FAM13A: variants seen among roughly 807,000 people sequenced by gnomAD.
FAM13A encodes protein FAM13A.
In FAM13A, 76 loss-of-function variants were observed where a neutral mutation model predicts 129.6. That is an observed-to-expected ratio of 0.59 (90% CI 0.49 to 0.71). FAM13A has a LOEUF of 0.71. Among genes scored for constraint, FAM13A ranks in the 30% least tolerant of loss-of-function variants. FAM13A has a pLI of 0.00. For synonymous variants in FAM13A, 443 were observed against 449.9 expected (o/e 0.98, Z 0.20); for missense variants, 1,108 against 1,249.3 (o/e 0.89, Z 1.70).
intron 4 of FAM13A, among the ~76,000 whole-genome samples, chr4:88,987,385 C>T (rs1242849236): frequency 2.0e-5 from 3 of 152,160 alleles, no homozygotes; most frequent in Non-Finnish European, 4.4e-5. Flanking sequence ...TAATGAATTA[C>T]TTGCTAACTG....
intron 6 of FAM13A, among the ~76,000 whole-genome samples, chr4:88,865,260 TGTAAA>T (rs778437503): frequency 7.9e-5 from 12 of 152,174 alleles, no homozygotes; most frequent in Non-Finnish European, 1.3e-4. Flanking sequence ...TAGATGGAAA[TGTAAA>T]GGAAGAACCA....
chr4:88,941,677 G>A (rs1225755173), intron 4 of FAM13A, among the ~76,000 whole-genome samples: 1 of 152,182 alleles, frequency 6.6e-6, no homozygotes, highest in East Asian at 1.9e-4. Flanking sequence ...CCCTTTAAGT[G>A]GTGGGGGGTG....
intron 7 of FAM13A, among the ~76,000 whole-genome samples, chr4:88,811,245 T>A (rs1729607737): frequency 6.6e-6 from 1 of 152,122 alleles, no homozygotes. Context: ...CAGGAGGAGC[T>A]GACAGAATAT....
chr4:89,054,953 ACTT>A (rs1772038039), intron 1 of FAM13A, among the ~76,000 whole-genome samples: 1 of 152,110 alleles, frequency 6.6e-6, no homozygotes, highest in Admixed American at 6.6e-5. Flanking sequence ...GCAGCTCCCT[ACTT>A]CTCTCTTCCC....
chr4:89,051,757 G>A (rs144958724), intron 1 of FAM13A, among the ~76,000 whole-genome samples: 1 of 152,062 alleles, frequency 6.6e-6, no homozygotes, highest in African/African-American at 2.4e-5. Context: ...ATTCAAGAAA[G>A]GGAAATAGAA....
chr4:88,886,006 A>AT (rs1455703799), intron 6 of FAM13A, among the ~76,000 whole-genome samples: 3 of 150,090 alleles, frequency 2.0e-5, no homozygotes. Flanking sequence ...GCAAAAAATA[A>AT]AAAAAAAAAA....
At chr4:88,762,083 C>T (rs2149521264) in intron 13 of FAM13A, among the ~76,000 whole-genome samples, 1 of 152,154 alleles carries the variant, frequency 6.6e-6, no homozygotes, top group African/African-American at 2.4e-5. Context: ...GATAAAGTGA[C>T]AGGAAGTGAG....
At position 88,747,822 on chromosome 4, in the gene FAM13A, G is replaced by C; in HGVS notation, c.2191C>G (p.Leu731Val). The part of the protein sequence containing the change: ...ESKLKISEED[L>V]TPRMRQRSNT... ...CTTCGCTGCCGCATCCTGGGAGTTA[G>C]GTCCTCTTCAGATATCTTTAGTTTT... is the stretch of plus-strand genomic sequence containing the variant. The change falls in exon 18 of 24, where the codon CTA becomes GTA. Residue 731 changes from leucine to valine, a missense_variant. Coordinates refer to ENST00000264344, the MANE Select transcript of FAM13A (RefSeq NM_014883.4). The C allele has an allele frequency of 1.2e-6, 2 of 1,613,720 alleles. No homozygotes were observed. Among genetic ancestry groups the C allele is most frequent in the Non-Finnish European group, 1.7e-6 (2 of 1,179,630 alleles).
At chr4:88,756,238 G>GC (rs1379985190) in intron 14 of FAM13A, among the ~76,000 whole-genome samples, 6 of 152,330 alleles carry the variant, frequency 3.9e-5, no homozygotes, top group African/African-American at 1.4e-4. Flanking sequence ...AGTATGCTTA[G>GC]TATTTGCCAA....
intron 4 of FAM13A, among the ~76,000 whole-genome samples, chr4:88,961,346 CCTTTTTTTTT>C (rs1758572893): frequency 4.5e-5 from 4 of 89,348 alleles, no homozygotes; most frequent in African/African-American, 1.7e-4. Flanking sequence ...GTGGAATTTG[CCTTTTTTTTT>C]TTTTTTTTTT....
intron 7 of FAM13A, among the ~76,000 whole-genome samples, chr4:88,848,793 T>C (rs1050652607): frequency 2.5e-4 from 38 of 152,336 alleles, no homozygotes; most frequent in African/African-American, 9.1e-4. Context: ...AATCCAAATA[T>C]GGGATATAGT....
intron 4 of FAM13A, among the ~76,000 whole-genome samples, chr4:88,951,965 T>C (rs925925156): frequency 1.5e-4 from 23 of 152,248 alleles, no homozygotes; most frequent in Admixed American, 1.4e-3. Context: ...AACTTATTAA[T>C]ACTTTCATAG....
intron 3 of FAM13A, among the ~76,000 whole-genome samples, chr4:88,997,910 T>C (rs552026722): frequency 1.4e-4 from 22 of 152,220 alleles, no homozygotes; most frequent in Non-Finnish European, 2.9e-4. Flanking sequence ...CTTGCTAATC[T>C]ATTAGATATT....
chr4:88,967,962 T>C (rs1415747405), intron 4 of FAM13A, among the ~76,000 whole-genome samples: 1 of 152,146 alleles, frequency 6.6e-6, no homozygotes, highest in Non-Finnish European at 1.5e-5. Context: ...TGGTAGTGTG[T>C]GTGTGTTTAC....
At chr4:88,984,979 T>G (rs1410735056) in intron 4 of FAM13A, among the ~76,000 whole-genome samples, 1 of 152,118 alleles carries the variant, frequency 6.6e-6, no homozygotes, top group Non-Finnish European at 1.5e-5. Context: ...ACACATGACA[T>G]GTACACAAAT....
Position 88,732,119 on chromosome 4 carries a change from C to G in FAM13A, c.2726G>C (p.Arg909Pro), listed in dbSNP as rs1423849571. 9 of 1,613,766 alleles carry G rather than the reference C, an allele frequency of 5.6e-6. No individual in the cohort carries two copies. The highest frequency in any genetic ancestry group is 7.6e-6 in the Non-Finnish European group (9 of 1,179,866). ...ATCTTCGAATTGGTCCAGAAAGCATCGTGCACTGAAATCGGTTTTCAGAGT... is the reference window on the plus strand; with the variant it reads ...ATCTTCGAATTGGTCCAGAAAGCATGGTGCACTGAAATCGGTTTTCAGAGT... ...MVTLKTDFSA[R>P]CFLDQFEDDA... Residue 909 changes from arginine to proline, a missense_variant, in exon 22 of 24, where the codon CGA becomes CCA. Physicochemically the swap from Arg to Pro is moderately radical, Grantham distance 103. Transcript: ENST00000264344.
intron 1 of FAM13A, among the ~76,000 whole-genome samples, chr4:89,043,041 G>T (rs1034905343): frequency 6.6e-6 from 1 of 152,238 alleles, no homozygotes; most frequent in Non-Finnish European, 1.5e-5. Context: ...GATGCCAAAG[G>T]TGAGGATGAT....
At chr4:88,989,096 T>A (rs1762619383) in intron 4 of FAM13A, among the ~76,000 whole-genome samples, 1 of 151,258 alleles carries the variant, frequency 6.6e-6, no homozygotes, top group East Asian at 2.0e-4. Context: ...TAATCCCAGC[T>A]ACTCAAGAGA....
At chr4:88,919,549 G>C (rs932391946) in intron 5 of FAM13A, among the ~76,000 whole-genome samples, 1 of 152,196 alleles carries the variant, frequency 6.6e-6, no homozygotes, top group African/African-American at 2.4e-5. Flanking sequence ...ACAACTTTAA[G>C]AGAAATGCCA....
Sources: allele counts gnomAD v4.1 joint callset (sites outside exome capture counted in the v4.1 genomes callset), GRCh38; gene constraint gnomAD v4.1.1; transcripts MANE v1.5; gene names NCBI Gene and HGNC (gene_info 2026-07-23, HGNC 2026-07-21).